Variants in WDHD1 observed in about 807,000 individuals in gnomAD.
The protein encoded by WDHD1 is WD repeat and HMG-box DNA binding protein 1, also known as WD repeat and HMG-box DNA-binding protein 1.
In WDHD1, 111 loss-of-function variants were observed where a neutral mutation model predicts 135.4. That is an observed-to-expected ratio of 0.82 (90% CI 0.70 to 0.96). The LOEUF (loss-of-function observed/expected upper bound fraction) is 0.96, where lower values mean the gene tolerates loss of function less well. Among genes scored for constraint, WDHD1 ranks in the 40% least tolerant of loss-of-function variants. The probability of loss-of-function intolerance (pLI) is 0.00; values close to 1 mark genes in which losing one functional copy is unlikely to be tolerated. For missense variants in WDHD1, 1,351 were observed against 1,336.3 expected (o/e 1.01, Z -0.17); for synonymous variants, 434 against 439.0 (o/e 0.99, Z 0.14).
chr14:54,966,417 A>G, intron 18 of WDHD1, 58 bp downstream of exon 18: 1 of 1,545,192 alleles, frequency 6.5e-7, no homozygotes, highest in Non-Finnish European at 8.7e-7. Context: ...CCTTTAAGAA[A>G]TTCAACCTAT....
At position 54,983,926 on chromosome 14, in the gene WDHD1, A is replaced by T. The variant is rs187650417; in HGVS notation, c.1906+797T>A. Among the ~76,000 whole-genome samples the T allele has an allele frequency of 2.9e-3, 438 of 151,818 alleles. 2 individuals carry two copies. The highest frequency in any genetic ancestry group is 0.01 in the Middle Eastern group (3 of 294). Reference sequence around the variant, plus strand: ...TTATCATTTAACATGTAATCAACATAAAAAAATTGATTTTTATATCTTTTT... The same window carrying T: ...TTATCATTTAACATGTAATCAACATTAAAAAATTGATTTTTATATCTTTTT... On this transcript the variant is annotated intron_variant, in intron 15 of 25. Coordinates refer to ENST00000360586, the MANE Select transcript of WDHD1 (RefSeq NM_007086.4).
chr14:54,995,506 T>C (rs1174046626), intron 11 of WDHD1, 97 bp downstream of exon 11: 13 of 989,704 alleles, frequency 1.3e-5, no homozygotes, highest in African/African-American at 1.1e-4. Context: ...ACCACTTAGC[T>C]ACATTCTACA....
chr14:55,004,234 G>C (rs2042026360), intron 7 of WDHD1, among the ~76,000 whole-genome samples: 1 of 152,070 alleles, frequency 6.6e-6, no homozygotes, highest in Admixed American at 6.6e-5. Flanking sequence ...TAATACATTT[G>C]CTAAATCTCC....
intron 16 of WDHD1, among the ~76,000 whole-genome samples, chr14:54,969,720 A>G (rs2041401504): frequency 6.6e-6 from 1 of 152,196 alleles, no homozygotes; most frequent in African/African-American, 2.4e-5. Context: ...CATTATCCTG[A>G]TACCAAAATC....
intron 16 of WDHD1, among the ~76,000 whole-genome samples, chr14:54,970,153 C>T (rs981414248): frequency 6.6e-6 from 1 of 152,138 alleles, no homozygotes; most frequent in Non-Finnish European, 1.5e-5. Flanking sequence ...CAAGGTTGGC[C>T]ACTCTTTTCA....
chr14:55,019,314 TTAGG>T (rs2042307468), intron 2 of WDHD1, among the ~76,000 whole-genome samples: 1 of 152,314 alleles, frequency 6.6e-6, no homozygotes, highest in African/African-American at 2.4e-5. Context: ...TATTTTTTTC[TTAGG>T]TAAACTGGGT....
At chr14:55,016,087 A>G (rs1452916222) in intron 2 of WDHD1, among the ~76,000 whole-genome samples, 2 of 152,264 alleles carry the variant, frequency 1.3e-5, no homozygotes, top group African/African-American at 2.4e-5. Context: ...GGAAAATTAT[A>G]GTGAAATATA....
At chr14:54,949,559 C>A (rs1034466093) in intron 24 of WDHD1, among the ~76,000 whole-genome samples, 1 of 151,398 alleles carries the variant, frequency 6.6e-6, no homozygotes, top group Non-Finnish European at 1.5e-5. Context: ...GAGAATGGAA[C>A]CAAGTTGGAA....
intron 24 of WDHD1, among the ~76,000 whole-genome samples, chr14:54,954,615 G>A (rs2041121032): frequency 1.3e-5 from 2 of 152,182 alleles, no homozygotes; most frequent in Non-Finnish European, 2.9e-5. Context: ...CATGAACTAT[G>A]ACATGTCTAT....
At position 54,955,652 on chromosome 14, in the gene WDHD1, T is replaced by C. The variant is rs780758989; in HGVS notation, c.2959A>G (p.Asn987Asp). ...SYFQKRNSQT[N>D]KTEEVKEENL... ...TCTTCTTTCACTTCCTCAGTTTTAT[T>C]AGTTTGAGAATTTCTTTTCTGGAAA... Residue 987 changes from asparagine (N) to aspartate (D), a missense_variant, in exon 24 of 26, where the codon AAT (asparagine) becomes GAT (aspartate). Coordinates refer to ENST00000360586, the MANE Select transcript of WDHD1 (RefSeq NM_007086.4). 14 of 1,588,468 alleles carry C rather than the reference T, an allele frequency of 8.8e-6. No individual in the cohort carries two copies. Among genetic ancestry groups the C allele is most frequent in the Non-Finnish European group, 1.2e-5 (14 of 1,170,488 alleles).
chr14:54,995,928 C>T (rs1216779542), intron 10 of WDHD1, 115 bp from the exon 11 acceptor site: 2 of 709,424 alleles, frequency 2.8e-6, no homozygotes, highest in Non-Finnish European at 4.5e-6. Flanking sequence ...AGCAAACTCA[C>T]TGAACAGATA....
chr14:54,952,416 C>T (rs1280270430), intron 24 of WDHD1, among the ~76,000 whole-genome samples: 1 of 152,128 alleles, frequency 6.6e-6, no homozygotes, highest in East Asian at 1.9e-4. Flanking sequence ...AATAAAATAC[C>T]TAGGAATCCA....
At chr14:55,026,214 AGTG>A (rs1199945358) in intron 2 of WDHD1, among the ~76,000 whole-genome samples, 9 of 152,224 alleles carry the variant, frequency 5.9e-5, no homozygotes, top group African/African-American at 2.2e-4. Flanking sequence ...ATCGAGCAGT[AGTG>A]CGTAAGAATG....
In WDHD1 at chr14:54,989,107, T is replaced by C. The variant is rs1282414929; in HGVS notation, c.1447A>G (p.Asn483Asp). Reference protein sequence around the residue: ...TSIHHATHLSNTLNYTIADLS... With the variant: ...TSIHHATHLSDTLNYTIADLS... ...TCTGCTATTGTATAATTCAAAGTGTTTGATAAGTGTGTTGCATGGTGTATG... is the reference window on the plus strand; with the variant it reads ...TCTGCTATTGTATAATTCAAAGTGTCTGATAAGTGTGTTGCATGGTGTATG... The change falls in exon 13 of 26, where the codon AAC becomes GAC. Residue 483 changes from asparagine (N) to aspartate (D), a missense_variant. By Grantham distance (23) the Asn-to-Asp change is conservative. Coordinates refer to ENST00000360586, the MANE Select transcript of WDHD1 (RefSeq NM_007086.4). The C allele has an allele frequency of 6.2e-7, 1 of 1,613,858 alleles. No individual in the cohort carries two copies. The highest frequency in any genetic ancestry group is 1.1e-5 in the South Asian group (1 of 91,062).
chr14:54,962,870 T>C lies in WDHD1; in HGVS notation c.2532-17A>G, dbSNP rs762103451. On this transcript the variant is annotated splice_polypyrimidine_tract_variant and intron_variant, in intron 19 of 25. Transcript: ENST00000360586. ...TTGCTGTAACTAAGAGAAAATAATA[T>C]TATTCAATAAAGAGCTATGCAAAGA... is the stretch of plus-strand genomic sequence containing the variant. 7.4e-6 allele frequency: 12 copies of C among 1,611,200 alleles called. No homozygotes were observed. The highest frequency in any genetic ancestry group is 4.5e-5 in the East Asian group (2 of 44,864).
At position 54,974,498 on chromosome 14, in the gene WDHD1, T is replaced by G. The variant is rs538641729; in HGVS notation, c.2063+7042A>C. Among the ~76,000 whole-genome samples the G allele has an allele frequency of 1.3e-3, 196 of 151,054 alleles. 2 individuals carry two copies. In the South Asian group the frequency reaches 0.014, roughly 11 times the overall value. ...CACAAAACCTGTTTTGTTTTGTTTT[T>G]TTTTTTTTTGTTATATTAAAGAAAG... On this transcript the variant is annotated intron_variant, in intron 16 of 25. Coordinates refer to ENST00000360586, the MANE Select transcript of WDHD1 (RefSeq NM_007086.4).
intron 15 of WDHD1, among the ~76,000 whole-genome samples, chr14:54,982,834 A>ATATCTCT (rs2041640037): frequency 1.3e-5 from 2 of 152,216 alleles, no homozygotes; most frequent in African/African-American, 4.8e-5. Flanking sequence ...GAAATATTTA[A>ATATCTCT]GTCCCCATGA....
Position 54,969,580 on chromosome 14 carries a change from C to A in WDHD1, c.2064-2186G>T, listed in dbSNP as rs568152323. Among the ~76,000 whole-genome samples the A allele has an allele frequency of 1.8e-4, 27 of 152,152 alleles. 1 individual carries two copies. In the South Asian group the frequency reaches 5.6e-3, roughly 32 times the overall value. ...AAATTGAATCGTAATAAATAAAAAA[C>A]CTATCAACCAAAAAAAGCCCTGGAC... On this transcript the variant is annotated intron_variant, in intron 16 of 25. Transcript: ENST00000360586.
At chr14:54,956,642 A>C (rs2041163591) in intron 23 of WDHD1, among the ~76,000 whole-genome samples, 1 of 152,134 alleles carries the variant, frequency 6.6e-6, no homozygotes. Context: ...CCTCTGTCTC[A>C]AAAAAGACAG....
Sources: gnomAD v4.1 joint callset for allele counts (sites outside exome capture counted in the v4.1 genomes callset) on GRCh38, gnomAD v4.1.1 for gene constraint, MANE v1.5 for transcripts, NCBI Gene and HGNC (gene_info 2026-07-23, HGNC 2026-07-21) for gene names.